PTPRC: variants seen among roughly 807,000 people sequenced by gnomAD.
The protein encoded by PTPRC is protein tyrosine phosphatase receptor type C.
A neutral mutation model predicts 155.9 loss-of-function variants in PTPRC; 44 were observed. The ratio of observed to expected loss-of-function variants is 0.28; its 90% CI spans 0.22 to 0.36. The LOEUF (loss-of-function observed/expected upper bound fraction) is 0.36, where lower values mean the gene tolerates loss of function less well. PTPRC is among the 10% of genes least tolerant of loss of function. PTPRC has a pLI of 1.00. For synonymous variants in PTPRC, 525 were observed against 533.1 expected (o/e 0.98, Z 0.21); for missense variants, 1,401 against 1,564.6 (o/e 0.90, Z 1.76).
At chr1:198,664,654 T>C (rs1204472543) in intron 2 of PTPRC, among the ~76,000 whole-genome samples, 1 of 152,198 alleles carries the variant, frequency 6.6e-6, no homozygotes, top group Non-Finnish European at 1.5e-5. Flanking sequence ...TACCAGGAAC[T>C]GCTCTCCTCT....
chr1:198,655,409 A>G (rs1204605469), intron 2 of PTPRC, among the ~76,000 whole-genome samples: 1 of 152,032 alleles, frequency 6.6e-6, no homozygotes, highest in Non-Finnish European at 1.5e-5. Context: ...ATATTTAGTG[A>G]CTTGTCCTTT....
At chr1:198,683,686 C>T (rs1293035793) in intron 2 of PTPRC, among the ~76,000 whole-genome samples, 9 of 152,004 alleles carry the variant, frequency 5.9e-5, no homozygotes, top group South Asian at 2.1e-4. Flanking sequence ...GATTTTCCAG[C>T]GCTGGAGCCC....
intron 2 of PTPRC, among the ~76,000 whole-genome samples, chr1:198,675,353 TC>T (rs1016008770): frequency 1.4e-4 from 22 of 152,266 alleles, no homozygotes; most frequent in African/African-American, 2.6e-4. Context: ...CAAAACTTTC[TC>T]ATTAAATGTG....
At chr1:198,658,281 G>T (rs1278485716) in intron 2 of PTPRC, among the ~76,000 whole-genome samples, 1 of 152,092 alleles carries the variant, frequency 6.6e-6, no homozygotes, top group Non-Finnish European at 1.5e-5. Context: ...AGATAATCTG[G>T]TATCGTGGGA....
chr1:198,752,395 T>A (rs1640564437), intron 30 of PTPRC, 24 bp downstream of exon 30: 2 of 1,611,444 alleles, frequency 1.2e-6, no homozygotes, highest in Non-Finnish European at 1.7e-6. Flanking sequence ...TTGGGGAGTA[T>A]ATTTCTTTGA....
chr1:198,756,568 GTTAAC>G lies in PTPRC; in HGVS notation c.*391_*395del, dbSNP rs1455670326. 1.5e-5 allele frequency: 3 copies of G among 193,698 alleles called. No individual in the cohort carries two copies. Among genetic ancestry groups the G allele is most frequent in the South Asian group, 8.4e-5 (1 of 11,972 alleles). 12.0% of individuals were successfully genotyped at this position (193,698 alleles called of 1,614,324 possible). A position where few individuals can be genotyped will look rare whatever the true frequency, so the allele number is the denominator to read the frequency against. On this transcript the variant is annotated 3_prime_UTR_variant, in exon 33 of 33. Coordinates refer to ENST00000442510, the MANE Select transcript of PTPRC (RefSeq NM_002838.5). ...AAAAAATACATTTTATATTAGAAGT[GTTAAC>G]TTAGCTTGAAGGATCTGTTTTTAAA...
chr1:198,724,431 T>A (rs1654034006), intron 15 of PTPRC, among the ~76,000 whole-genome samples: 1 of 152,126 alleles, frequency 6.6e-6, no homozygotes, highest in South Asian at 2.1e-4. Context: ...CCCCATCAGT[T>A]TTCTGGTTTA....
rs1271487306 is a variant in PTPRC at position 198,665,083 on chromosome 1, T to C, written c.73+25742T>C. The stretch of plus-strand genomic sequence containing the variant: ...GTTTTTAGAACATCCCGGCAGCATT[T>C]TTTTTTTTTTTTTTTTTTTTTTTTG... On this transcript the variant is annotated intron_variant, in intron 2 of 32. Transcript: ENST00000442510. Among the ~76,000 whole-genome samples, 811 of 95,636 alleles carry C rather than the reference T, an allele frequency of 8.5e-3. 125 individuals are homozygous for C. The highest frequency in any genetic ancestry group is 0.029 in the African/African-American group (718 of 24,992). The allele number at this position is 95,636 out of a possible 152,430, so 62.7% of individuals were successfully genotyped here.
intron 3 of PTPRC, 112 bp from the exon 4 acceptor site, chr1:198,696,600 T>G (rs1278932117): frequency 6.9e-6 from 6 of 873,932 alleles, no homozygotes; most frequent in Admixed American, 1.7e-5. Flanking sequence ...TGTAGATATA[T>G]GTACATACAC....
rs200613730 is a variant in PTPRC, at chr1:198,703,348, G to T, written c.634G>T (p.Ala212Ser). The change falls in exon 7 of 33, where the codon GCT (alanine) becomes TCT (serine). Residue 212 changes from alanine (A) to serine (S), a missense_variant. Ala to Ser is a moderately conservative substitution (Grantham distance 99, BLOSUM62 1). Around this residue, in one of 3 missense-constraint regions of PTPRC, gnomAD observed 867 missense variants for 970.4 expected, o/e 0.89. Transcript: ENST00000442510. ...AACCACTCTGAGCCCTTCTGGAAGC[G>T]CTGTCATTTCAACCACAACAATAGG... Reference protein sequence around the residue: ...ETTTLSPSGSAVISTTTIATT... With the variant: ...ETTTLSPSGSSVISTTTIATT... 1.9e-6 allele frequency: 3 copies of T among 1,612,946 alleles called. No homozygotes were observed. The highest frequency in any genetic ancestry group is 4.5e-5 in the East Asian group (2 of 44,886).
rs560688893 is a variant in PTPRC, at chr1:198,642,488, C to T, written c.73+3147C>T. Among the ~76,000 whole-genome samples the T allele has an allele frequency of 1.1e-3, 164 of 151,912 alleles. 3 individuals carry two copies. Among genetic ancestry groups the T allele is most frequent in the Non-Finnish European group, 1.5e-4 (10 of 67,894 alleles). On this transcript the variant is annotated intron_variant, in intron 2 of 32. Transcript: ENST00000442510. ...TTCTCCATTTGGTTACGTATCATTG[C>T]CTACTATGTGTTGATCACTCTGATT...
chr1:198,756,311 A>G lies in PTPRC; in HGVS notation c.*130A>G, dbSNP rs181789215. On this transcript the variant is annotated 3_prime_UTR_variant, in exon 33 of 33. Transcript: ENST00000442510. ...GCGAACCAATATTTGTAGAAGGGTT[A>G]TATTTTACTACTGTGGAAAAATATT... is the stretch of plus-strand genomic sequence containing the variant. The G allele has an allele frequency of 8.6e-5, 101 of 1,179,968 alleles. No individual in the cohort carries two copies. In the African/African-American group the frequency reaches 1.4e-3, roughly 17 times the overall value. The allele number at this position is 1,179,968 out of a possible 1,614,324, so 73.1% of individuals were successfully genotyped here. A position where few individuals can be genotyped will look rare whatever the true frequency, so the allele number is the denominator to read the frequency against.
At chr1:198,726,438 A>G (rs913328298) in intron 15 of PTPRC, among the ~76,000 whole-genome samples, 1 of 152,172 alleles carries the variant, frequency 6.6e-6, no homozygotes, top group African/African-American at 2.4e-5. Context: ...ATTTTTATAT[A>G]TGCCGGCAGT....
At chr1:198,688,260 G>A (rs929575194) in intron 2 of PTPRC, among the ~76,000 whole-genome samples, 1 of 152,110 alleles carries the variant, frequency 6.6e-6, no homozygotes, top group Non-Finnish European at 1.5e-5. Context: ...AATTCAAGAG[G>A]CCTTTATGGG....
chr1:198,700,694 G>A (rs77647448), intron 5 of PTPRC, among the ~76,000 whole-genome samples: 11,676 of 152,210 alleles, frequency 0.077, 490 homozygotes, highest in Non-Finnish European at 0.098. Flanking sequence ...CCCTGGGGCT[G>A]GTTGTCACAC....
rs1227164017 is a variant in PTPRC at position 198,756,369 on chromosome 1, C to T, written c.*188C>T. 18 of 744,948 alleles carry T rather than the reference C, an allele frequency of 2.4e-5. No individual in the cohort carries two copies. The highest frequency in any genetic ancestry group is 3.8e-4 in the Middle Eastern group (1 of 2,612). The allele number at this position is 744,948 out of a possible 1,614,324, so 46.1% of individuals were successfully genotyped here. On this transcript the variant is annotated 3_prime_UTR_variant, in exon 33 of 33. Transcript: ENST00000442510. Reference sequence around the variant, plus strand: ...GTTTTGCCAGAACAGTTTGTACAGACGTATGCTTATTTTAAAATTTTATCT... The same window carrying T: ...GTTTTGCCAGAACAGTTTGTACAGATGTATGCTTATTTTAAAATTTTATCT...
chr1:198,703,175 A>G (rs1292382836), intron 6 of PTPRC, 123 bp from the exon 7 acceptor site: 3 of 1,352,354 alleles, frequency 2.2e-6, no homozygotes, highest in East Asian at 2.3e-5. Context: ...GCGAATGTCA[A>G]ATCAAACGAG....
At position 198,718,155 on chromosome 1, in the gene PTPRC, G is replaced by A. The variant is rs1393919858; in HGVS notation, c.1512G>A (p.Lys504=). The change falls in exon 14 of 33, where the codon AAG becomes AAA. Residue 504 remains lysine (K), a synonymous_variant. Transcript: ENST00000442510. ...CATCAGATAATAGTATGCATGTCAA[G>A]TGTAGGCCTCCCAGGGACCGTAATG... ...SMTSDNSMHV[K]CRPPRDRNGP... 6.2e-7 allele frequency: 1 copy of A among 1,613,996 alleles called. No homozygotes were observed. Among genetic ancestry groups the A allele is most frequent in the African/African-American group, 1.3e-5 (1 of 75,024 alleles).
At position 198,756,561 on chromosome 1, in the gene PTPRC, T is replaced by TAGA. The variant is rs1314874487; in HGVS notation, c.*383_*385dup. 6.3e-5 allele frequency: 13 copies of TAGA among 204,836 alleles called. No individual in the cohort carries two copies. Among genetic ancestry groups the TAGA allele is most frequent in the South Asian group, 4.4e-4 (6 of 13,646 alleles). 12.7% of individuals were successfully genotyped at this position (204,836 alleles called of 1,614,324 possible). A position where few individuals can be genotyped will look rare whatever the true frequency, so the allele number is the denominator to read the frequency against. ...TATGAAGAAAAAATACATTTTATAT[T>TAGA]AGAAGTGTTAACTTAGCTTGAAGGA... On this transcript the variant is annotated 3_prime_UTR_variant, in exon 33 of 33. Coordinates refer to ENST00000442510, the MANE Select transcript of PTPRC (RefSeq NM_002838.5).
Sources: gnomAD v4.1 joint callset for allele counts (sites outside exome capture counted in the v4.1 genomes callset) on GRCh38, gnomAD v4.1.1 for gene constraint, gnomAD v4.1.1 regional missense constraint, MANE v1.5 for transcripts, NCBI Gene and HGNC (gene_info 2026-07-23, HGNC 2026-07-21) for gene names.